The following CCDC32 variants were observed in gnomAD, a reference collection of about 807,000 sequenced individuals.
CCDC32 encodes the protein coiled-coil domain-containing protein 32.
Under a neutral mutation model 20.1 loss-of-function variants are expected in CCDC32, and 9 were observed. That is an observed-to-expected ratio of 0.45 (90% CI 0.27 to 0.78). CCDC32 has a LOEUF of 0.78. CCDC32 is among the 30% of genes least tolerant of loss of function. CCDC32 has a pLI of 0.16. For missense variants in CCDC32, 204 were observed against 215.5 expected (o/e 0.95, Z 0.33); for synonymous variants, 63 against 79.0 (o/e 0.80, Z 1.07).
At chr15:40,527,179 T>C (rs1894909847), downstream of CCDC32, among the ~76,000 whole-genome samples, 1 of 148,372 alleles carries the variant, frequency 6.7e-6, no homozygotes, top group Non-Finnish European at 1.5e-5. Flanking sequence ...TCGAACTGCT[T>C]TTTTTTTTTG....
chr15:40,523,057 A>C, the CCDC32 span, among the ~76,000 whole-genome samples: 1 of 151,138 alleles, frequency 6.6e-6, no homozygotes, highest in African/African-American at 2.4e-5. Context: ...TCAACTCCTG[A>C]ACTTACCTAA....
the CCDC32 span, among the ~76,000 whole-genome samples, chr15:40,521,164 T>A: frequency 6.6e-6 from 1 of 152,160 alleles, no homozygotes; most frequent in Non-Finnish European, 1.5e-5. Flanking sequence ...AGTGGACCAG[T>A]GCAGTTCAAA....
intron 3 of CCDC32, among the ~76,000 whole-genome samples, chr15:40,546,785 T>G (rs1889638673): frequency 6.6e-6 from 1 of 151,216 alleles, no homozygotes. Flanking sequence ...CACTGCAACC[T>G]CACCCTCCCA....
At chr15:40,531,805 G>A (rs190440947), downstream of CCDC32, 1 of 152,516 alleles carries the variant, frequency 6.6e-6, no homozygotes, top group African/African-American at 2.4e-5. Context: ...TGGGGTCTAT[G>A]TTGCTCAGGC....
At chr15:40,563,350 G>A (rs545533383) in intron 1 of CCDC32, among the ~76,000 whole-genome samples, 3 of 152,016 alleles carry the variant, frequency 2.0e-5, no homozygotes, top group South Asian at 2.1e-4. Flanking sequence ...GTGACATTGC[G>A]AGGCCCTGTC....
At chr15:40,554,187 G>T in intron 3 of CCDC32, 60 bp from the exon 4 acceptor site, 1 of 1,549,782 alleles carries the variant, frequency 6.5e-7, no homozygotes, top group South Asian at 1.2e-5. Context: ...ATTACTTAAT[G>T]ATTATCTCAG....
intron 1 of CCDC32, chr15:40,564,629 G>T (rs915549619): frequency 1.6e-6 from 2 of 1,221,442 alleles, no homozygotes; most frequent in African/African-American, 3.0e-5. Context: ...CCAGGAGACA[G>T]AGCCCAGCCA....
intron 1 of CCDC32, 85 bp from the exon 2 acceptor site, chr15:40,563,112 C>A: frequency 6.8e-7 from 1 of 1,478,758 alleles, no homozygotes; most frequent in South Asian, 1.3e-5. Context: ...ACTGTAATCC[C>A]AACACTTTGG....
chr15:40,562,861 C>T lies in CCDC32; in HGVS notation c.155G>A (p.Gly52Asp). Residue 52 changes from glycine (G) to aspartate (D), a missense_variant, in exon 2 of 4, where the codon GGC (glycine) becomes GAC (aspartate). Physicochemically the swap from Gly to Asp is moderately conservative, Grantham distance 94. Transcript: ENST00000416810. ...SFVDSCPEGE[G>D]QREVADFAVQ... ...AGCAAAGTCAGCCACCTCCCTCTGG[C>T]CTTCACCTTCAGGGCAAGAATCCAC... The T allele has an allele frequency of 6.2e-7, 1 of 1,614,232 alleles. No homozygotes were observed. Among genetic ancestry groups the T allele is most frequent in the Non-Finnish European group, 8.5e-7 (1 of 1,180,054 alleles).
chr15:40,535,491 T>C, downstream of CCDC32: 1 of 987,958 alleles, frequency 1.0e-6, no homozygotes, highest in Non-Finnish European at 1.2e-6. Flanking sequence ...TTTTTCCACA[T>C]ATTGAAATTG....
rs766260823 is a variant in CCDC32 at position 40,562,786 on chromosome 15, T to C, written c.230A>G (p.Tyr77Cys). 2.7e-5 allele frequency: 43 copies of C among 1,613,878 alleles called. No individual in the cohort carries two copies. In the East Asian group the frequency reaches 8.9e-4, roughly 33 times the overall value. ...PWAPLQDSEV[Y>C]LASLEKKLRR... ...GTCAAACTTACCTAGAGATGCTAAA[T>C]ACACTTCTGAATCCTGCAAGGGAGC... is the stretch of plus-strand genomic sequence containing the variant. Residue 77 changes from tyrosine (Y) to cysteine (C), a missense_variant, in exon 2 of 4, where the codon TAT becomes TGT. Coordinates refer to ENST00000416810, the MANE Select transcript of CCDC32 (RefSeq NM_001080792.4).
chr15:40,528,170 A>G (rs1401420762), downstream of CCDC32, among the ~76,000 whole-genome samples: 1 of 152,234 alleles, frequency 6.6e-6, no homozygotes, highest in African/African-American at 2.4e-5. Context: ...CTCATGGGGA[A>G]GATTCGGATT....
chr15:40,538,020 A>C (rs1490272689), downstream of CCDC32: 1 of 152,214 alleles, frequency 6.6e-6, no homozygotes, highest in Non-Finnish European at 1.5e-5. Context: ...CATTTCAAAT[A>C]GTCTTTTAGC....
At chr15:40,532,142 A>T, downstream of CCDC32, 2 of 540,804 alleles carry the variant, frequency 3.7e-6, no homozygotes, top group Admixed American at 3.4e-5. Context: ...TTTCTTCTCT[A>T]GTTTTCAGCA....
chr15:40,559,543 T>G, intron 2 of CCDC32, among the ~76,000 whole-genome samples: 1 of 152,244 alleles, frequency 6.6e-6, no homozygotes, highest in East Asian at 1.9e-4. Flanking sequence ...AGGCCATGGC[T>G]GCAAGCATTG....
chr15:40,541,369 G>T (rs1889387357), intron 3 of CCDC32, among the ~76,000 whole-genome samples: 1 of 148,550 alleles, frequency 6.7e-6, no homozygotes, highest in African/African-American at 2.5e-5. Flanking sequence ...GTCTCGCTCT[G>T]TCACCCAGGC....
At chr15:40,554,785 G>A (rs150608073) in intron 3 of CCDC32, among the ~76,000 whole-genome samples, 3 of 152,256 alleles carry the variant, frequency 2.0e-5, no homozygotes, top group East Asian at 1.9e-4. Flanking sequence ...TCCCCTACCC[G>A]CCTTCCTTAC....
intron 1 of CCDC32, among the ~76,000 whole-genome samples, chr15:40,563,510 G>A (rs1890796456): frequency 6.6e-6 from 1 of 152,180 alleles, no homozygotes; most frequent in African/African-American, 2.4e-5. Context: ...GGGGCTGGGA[G>A]GTAGAAAGAA....
chr15:40,554,748 G>A (rs1890125345), intron 3 of CCDC32, among the ~76,000 whole-genome samples: 2 of 152,174 alleles, frequency 1.3e-5, no homozygotes, highest in Non-Finnish European at 2.9e-5. Context: ...TGTAGGGAGA[G>A]GGGAGATGTA....
Sources: gnomAD v4.1 joint callset for allele counts (sites outside exome capture counted in the v4.1 genomes callset) on GRCh38, gnomAD v4.1.1 for gene constraint, MANE v1.5 for transcripts, NCBI Gene and HGNC (gene_info 2026-07-23, HGNC 2026-07-21) for gene names.